The following FADS2 variants were observed in gnomAD, a reference collection of about 807,000 sequenced individuals.
FADS2 encodes the protein acyl-CoA 6-desaturase.
A neutral mutation model predicts 61.2 loss-of-function variants in FADS2; 18 were observed. The observed-to-expected ratio is 0.29, with a 90% CI of 0.20 to 0.44. FADS2 has a LOEUF of 0.44. FADS2 is among the 20% of genes least tolerant of loss of function. FADS2 has a pLI of 1.00. For synonymous variants in FADS2, 203 were observed against 223.9 expected, an observed-to-expected ratio of 0.91 and a Z score of 0.83; for missense variants, 322 against 572.7, an observed-to-expected ratio of 0.56 and a Z score of 4.47.
chr11:61,853,770 G>A (rs575183301), intron 5 of FADS2, among the ~76,000 whole-genome samples: 1 of 152,246 alleles, frequency 6.6e-6, no homozygotes, highest in Admixed American at 6.5e-5. Context: ...TGGGGAGGTC[G>A]TGCCGCCTGT....
chr11:61,865,777 G>A lies in FADS2; in HGVS notation c.*88G>A, dbSNP rs567454619. 43 of 1,175,630 alleles carry A rather than the reference G, an allele frequency of 3.7e-5. No homozygotes were observed. Among genetic ancestry groups the A allele is most frequent in the African/African-American group, 2.9e-4 (19 of 66,422 alleles). The allele number at this position is 1,175,630 out of a possible 1,614,324, so 72.8% of individuals were successfully genotyped here. ...TGGGCTTTTGTTCTGAGGGGTGTCC[G>A]AGAGGCTGGTGTATGCACTGCTCAC... On this transcript the variant is annotated 3_prime_UTR_variant, in exon 12 of 12. Transcript: ENST00000278840. This position sits in a 1 kb window ranked among gnomAD's most constrained non-coding sequence, Gnocchi z 4.1.
chr11:61,837,698 C>T (rs2067185404), intron 1 of FADS2, 80 bp from the exon 2 acceptor site: 22 of 938,234 alleles, frequency 2.3e-5, no homozygotes, highest in Non-Finnish European at 3.5e-5. Context: ...GGAGCTGTTG[C>T]TGGTGAGCAC....
intron 7 of FADS2, among the ~76,000 whole-genome samples, chr11:61,860,382 T>A (rs886394221): frequency 3.3e-5 from 5 of 152,216 alleles, no homozygotes; most frequent in Admixed American, 6.5e-5. Context: ...CTGGCAAGGT[T>A]CCCTGTTCCC....
upstream of FADS2, among the ~76,000 whole-genome samples, chr11:61,826,838 C>A (rs767428525): frequency 1.3e-5 from 2 of 152,152 alleles, no homozygotes; most frequent in Admixed American, 1.3e-4. Context: ...CCCCCACCAC[C>A]CCTGCATTGC....
intron 10 of FADS2, 49 bp downstream of exon 10, chr11:61,863,835 G>A: frequency 7.0e-7 from 1 of 1,432,128 alleles, no homozygotes; most frequent in Non-Finnish European, 9.9e-7. Context: ...CGGGAGGGAA[G>A]TGGCCGCTAT....
intron 7 of FADS2, among the ~76,000 whole-genome samples, chr11:61,860,047 G>A (rs958246555): frequency 6.6e-6 from 1 of 152,268 alleles, no homozygotes; most frequent in Non-Finnish European, 1.5e-5. Context: ...TGGGGACAAT[G>A]TGATGAGCCC....
Position 61,828,386 on chromosome 11 carries a change from G to A in FADS2, c.-5G>A. 6.4e-7 allele frequency: 1 copy of A among 1,557,290 alleles called. No homozygotes were observed. The highest frequency in any genetic ancestry group is 8.7e-7 in the Non-Finnish European group (1 of 1,151,064). On this transcript the variant is annotated 5_prime_UTR_variant, in exon 1 of 12. Coordinates refer to ENST00000278840, the MANE Select transcript of FADS2 (RefSeq NM_004265.4). The surrounding 1 kb of genome is among the most constrained non-coding windows in gnomAD (Gnocchi z 6.4). ...GTGCACGGGGCGTCACAGTCGGCAG[G>A]CAGCATGGGGAAGGGAGGGAACCAG... is the stretch of plus-strand genomic sequence containing the variant.
intron 1 of FADS2, among the ~76,000 whole-genome samples, chr11:61,819,872 CG>C (rs971005509): frequency 3.6e-5 from 5 of 139,138 alleles, no homozygotes; most frequent in African/African-American, 1.3e-4. Context: ...CCCCCTCCCC[CG>C]AATCAAGGAA....
chr11:61,830,519 A>G (rs1236311153), intron 1 of FADS2, among the ~76,000 whole-genome samples: 3 of 152,140 alleles, frequency 2.0e-5, no homozygotes, highest in Non-Finnish European at 4.4e-5. Context: ...CTCTTCCCTG[A>G]CCTTTTCTCT....
Position 61,862,987 on chromosome 11 carries a change from G to T in FADS2, c.898G>T (p.Val300Phe), listed in dbSNP as rs763142932. 6.2e-7 allele frequency: 1 copy of T among 1,614,170 alleles called. No individual in the cohort carries two copies. The highest frequency in any genetic ancestry group is 8.5e-7 in the Non-Finnish European group (1 of 1,180,006). The change falls in exon 8 of 12, where the codon GTC (valine) becomes TTC (phenylalanine). Residue 300 changes from valine to phenylalanine, a missense_variant. Physicochemically the swap from Val to Phe is conservative, Grantham distance 50 (BLOSUM62 -1). This residue lies in a region of FADS2 where 221 missense variants were observed against 427.9 expected (regional missense o/e 0.52). Coordinates refer to ENST00000278840, the MANE Select transcript of FADS2 (RefSeq NM_004265.4). ...HKNWVDLAWAVSYYIRFFITY... is the reference protein window; with the variant it reads ...HKNWVDLAWAFSYYIRFFITY... ...TTCCCCGCAGGACCTGGCCTGGGCC[G>T]TCAGCTACTACATCCGGTTCTTCAT...
Position 61,840,744 on chromosome 11 carries a change from G to C in FADS2, c.618+19G>C. On this transcript the variant is annotated intron_variant, in intron 4 of 11. Transcript: ENST00000278840. ...CTTAAAGGTAAGTGTCAGCAGCCCTGGGCATCTGTCCTGTTGGACAGCAGT... is the reference window on the plus strand; with the variant it reads ...CTTAAAGGTAAGTGTCAGCAGCCCTCGGCATCTGTCCTGTTGGACAGCAGT... The C allele has an allele frequency of 1.3e-6, 2 of 1,578,368 alleles. No individual in the cohort carries two copies. Among genetic ancestry groups the C allele is most frequent in the Non-Finnish European group, 8.7e-7 (1 of 1,147,418 alleles).
chr11:61,865,610 T>A lies in FADS2; in HGVS notation c.1284-28T>A. The A allele has an allele frequency of 6.2e-7, 1 of 1,610,046 alleles. No individual in the cohort carries two copies. The highest frequency in any genetic ancestry group is 1.1e-5 in the South Asian group (1 of 90,514). On this transcript the variant is annotated intron_variant, in intron 11 of 11. Transcript: ENST00000278840. The surrounding 1 kb of genome is among the most constrained non-coding windows in gnomAD (Gnocchi z 4.1). ...CTGGGGCCACTCCCGTCCTGGTCCC[T>A]GACCCTGGTCCATCCCCAACTTTGC...
At chr11:61,852,008 G>A (rs2067310915) in intron 5 of FADS2, among the ~76,000 whole-genome samples, 1 of 152,184 alleles carries the variant, frequency 6.6e-6, no homozygotes, top group South Asian at 2.1e-4. Flanking sequence ...GATATGGGTA[G>A]GATGATGTTC....
At chr11:61,851,206 T>C (rs2067304063) in intron 5 of FADS2, among the ~76,000 whole-genome samples, 1 of 152,216 alleles carries the variant, frequency 6.6e-6, no homozygotes, top group African/African-American at 2.4e-5. Flanking sequence ...GGCTTTGTAA[T>C]GTAGAGCCGT....
chr11:61,862,889 AG>A, intron 7 of FADS2, 82 bp from the exon 8 acceptor site: 1 of 1,037,786 alleles, frequency 9.6e-7, no homozygotes, highest in East Asian at 2.4e-5. Flanking sequence ...CCTGAGTGTG[AG>A]GTGTGTGCAC....
chr11:61,838,755 C>T (rs986789584), intron 2 of FADS2, among the ~76,000 whole-genome samples: 1 of 152,166 alleles, frequency 6.6e-6, no homozygotes, highest in Admixed American at 6.5e-5. Flanking sequence ...CATGAGATCA[C>T]CTGCCCTGTA....
intron 10 of FADS2, among the ~76,000 whole-genome samples, chr11:61,864,826 G>A (rs654226): frequency 0.023 from 3,459 of 152,222 alleles, 140 homozygotes; most frequent in African/African-American, 0.079. Flanking sequence ...GTGAGCCACC[G>A]TGCCTCACCT....
Position 61,865,650 on chromosome 11 carries a change from G to T in FADS2, c.1296G>T (p.Lys432Asn). Residue 432 changes from lysine to asparagine, a missense_variant, in exon 12 of 12, where the codon AAG becomes AAT. Physicochemically the swap from Lys to Asn is moderately conservative, Grantham distance 94. This residue lies in a region of FADS2 where 221 missense variants were observed against 427.9 expected (regional missense o/e 0.52). Transcript: ENST00000278840. This position sits in a 1 kb window ranked among gnomAD's most constrained non-coding sequence, Gnocchi z 4.1. The stretch of plus-strand genomic sequence containing the variant: ...CCCAACTTTGCAGGTCCCTGAAGAA[G>T]TCTGGGAAGCTGTGGCTGGACGCCT... ...ALLDIIRSLK[K>N]SGKLWLDAYL... is the part of the protein sequence containing the mutation. The T allele has an allele frequency of 6.2e-7, 1 of 1,613,120 alleles. No homozygotes were observed. The highest frequency in any genetic ancestry group is 2.2e-5 in the East Asian group (1 of 44,884).
rs1044672985 is a variant in FADS2, at chr11:61,816,891, G to T, written c.141+465G>T. The T allele has an allele frequency of 1.4e-6, 2 of 1,455,670 alleles. No homozygotes were observed. Among genetic ancestry groups the T allele is most frequent in the African/African-American group, 3.0e-5 (2 of 66,982 alleles). 90.2% of individuals were successfully genotyped at this position (1,455,670 alleles called of 1,614,324 possible). ...GCCTGCGCGCCGGGTTTTCAGCACC[G>T]CAGGGCAGACCGGCGGGCCTCGCAG... is the stretch of plus-strand genomic sequence containing the variant. On this transcript the variant is annotated intron_variant, in intron 1 of 11. Transcript: ENST00000257261. This position sits in a 1 kb window ranked among gnomAD's most constrained non-coding sequence, Gnocchi z 7.0.
Sources: gnomAD v4.1 joint callset for allele counts (sites outside exome capture counted in the v4.1 genomes callset) on GRCh38, gnomAD v4.1.1 for gene constraint, gnomAD v4.1.1 regional missense constraint, Gnocchi (gnomAD v3.1) non-coding constraint, MANE v1.5 for transcripts, NCBI Gene and HGNC (gene_info 2026-07-23, HGNC 2026-07-21) for gene names.